The following SMYD3 variants were observed in gnomAD, a reference collection of about 807,000 sequenced individuals.
SMYD3 encodes the protein histone-lysine N-methyltransferase SMYD3.
Under a neutral mutation model 57.7 loss-of-function variants are expected in SMYD3, and 36 were observed. The observed-to-expected ratio is 0.62, with a 90% CI of 0.48 to 0.82. The LOEUF (loss-of-function observed/expected upper bound fraction) is 0.82. SMYD3 is among the 40% of genes least tolerant of loss of function. The pLI is 0.00. For synonymous variants in SMYD3, 211 were observed against 195.0 expected, an observed-to-expected ratio of 1.08 and a Z score of -0.68; for missense variants, 515 against 538.8, an observed-to-expected ratio of 0.96 and a Z score of 0.44.
chr1:246,476,422 G>C (rs779787469), intron 1 of SMYD3, among the ~76,000 whole-genome samples: 2 of 152,182 alleles, frequency 1.3e-5, no homozygotes, highest in Non-Finnish European at 2.9e-5. Flanking sequence ...TGTAGATTCT[G>C]AGTTAAGTTG....
intron 2 of SMYD3, among the ~76,000 whole-genome samples, chr1:246,339,802 A>G (rs2065603327): frequency 6.6e-6 from 1 of 152,230 alleles, no homozygotes. Flanking sequence ...GGTTTGCTAT[A>G]AAAGAGAGTC....
chr1:246,002,309 C>T (rs897198931), intron 5 of SMYD3, among the ~76,000 whole-genome samples: 17 of 92,634 alleles, frequency 1.8e-4, no homozygotes, highest in East Asian at 7.9e-4. Context: ...CTCAGCCTCC[C>T]GAGTAGCTGG....
At chr1:246,158,475 A>C (rs1197513928) in intron 5 of SMYD3, among the ~76,000 whole-genome samples, 1 of 152,212 alleles carries the variant, frequency 6.6e-6, no homozygotes, top group East Asian at 1.9e-4. Context: ...CTTTCAGATA[A>C]ATAAATAAAT....
At chr1:246,309,180 TG>T (rs1236443874) in intron 5 of SMYD3, among the ~76,000 whole-genome samples, 1 of 152,132 alleles carries the variant, frequency 6.6e-6, no homozygotes, top group East Asian at 1.9e-4. Flanking sequence ...AAAGCTTAAT[TG>T]TTAAAAAAAA....
chr1:245,879,484 C>T lies in SMYD3; in HGVS notation c.814-15598G>A, dbSNP rs992921860. ...CGAGGTGATGAGAAACGCTTCAGTG[C>T]TCTCTGAGCAACGAGAAAGCATGGA... On this transcript the variant is annotated intron_variant, in intron 8 of 11. Coordinates refer to ENST00000490107, the MANE Select transcript of SMYD3 (RefSeq NM_001167740.2). Among the ~76,000 whole-genome samples the T allele has an allele frequency of 4.6e-5, 7 of 152,330 alleles. No individual in the cohort carries two copies. In the South Asian group the frequency reaches 8.3e-4, roughly 18 times the overall value.
intron 1 of SMYD3, among the ~76,000 whole-genome samples, chr1:246,465,462 G>A (rs2067867606): frequency 6.6e-6 from 1 of 152,154 alleles, no homozygotes; most frequent in Non-Finnish European, 1.5e-5. Flanking sequence ...ATAACTCCTC[G>A]ATGATGCAGG....
chr1:245,951,321 T>TCACACCTGTCATCCCAG (rs11272917), intron 5 of SMYD3, among the ~76,000 whole-genome samples: 2 of 146,966 alleles, frequency 1.4e-5, no homozygotes, highest in African/African-American at 5.2e-5. Flanking sequence ...TCGTCGTGGC[T>TCACACCTGTCATCCCAG]CACTTTGGGA....
intron 11 of SMYD3, among the ~76,000 whole-genome samples, chr1:245,759,262 T>G (rs566673242): frequency 7.0e-6 from 1 of 143,440 alleles, no homozygotes; most frequent in Non-Finnish European, 1.5e-5. Flanking sequence ...TTGAAGGTAT[T>G]AGTGACAATT....
At chr1:245,807,821 A>AC (rs1352762242) in intron 10 of SMYD3, among the ~76,000 whole-genome samples, 6 of 151,942 alleles carry the variant, frequency 3.9e-5, no homozygotes, top group African/African-American at 1.2e-4. Context: ...GGGAAAAAAA[A>AC]AAAAAACAAA....
At chr1:245,891,897 T>C (rs1054148739) in intron 8 of SMYD3, among the ~76,000 whole-genome samples, 1 of 152,108 alleles carries the variant, frequency 6.6e-6, no homozygotes, top group African/African-American at 2.4e-5. Context: ...TTTTTAAAAA[T>C]TAGCAGGGCA....
At chr1:245,869,293 C>A (rs2052042819) in intron 8 of SMYD3, among the ~76,000 whole-genome samples, 1 of 152,300 alleles carries the variant, frequency 6.6e-6, no homozygotes, top group Non-Finnish European at 1.5e-5. Flanking sequence ...AGCTGACTTT[C>A]CTGGGAAATG....
chr1:246,209,720 G>C (rs2063058480), intron 5 of SMYD3, among the ~76,000 whole-genome samples: 1 of 152,152 alleles, frequency 6.6e-6, no homozygotes, highest in Admixed American at 6.5e-5. Context: ...GGGTACTTTT[G>C]TATACTTGCA....
intron 10 of SMYD3, among the ~76,000 whole-genome samples, chr1:245,840,776 A>G (rs1222142038): frequency 2.0e-5 from 3 of 151,972 alleles, no homozygotes; most frequent in Non-Finnish European, 4.4e-5. Flanking sequence ...AGTTGCAGCT[A>G]AGGAGCAGGT....
chr1:246,062,273 T>C lies in SMYD3; in HGVS notation c.532-132336A>G, dbSNP rs148968948. Among the ~76,000 whole-genome samples, 531 of 152,286 alleles carry C rather than the reference T, an allele frequency of 3.5e-3. 1 individual carries two copies. The highest frequency in any genetic ancestry group is 7.1e-3 in the Admixed American group (109 of 15,306). On this transcript the variant is annotated intron_variant, in intron 5 of 11. Transcript: ENST00000490107. ...CCGAGATCATAAAGAGGTTAGTCAC[T>C]GATTTGGGGATCTTTATAGTCTACC... is the stretch of plus-strand genomic sequence containing the variant.
chr1:245,817,283 GCACACTGA>G (rs2048893447), intron 10 of SMYD3, among the ~76,000 whole-genome samples: 1 of 136,796 alleles, frequency 7.3e-6, no homozygotes, highest in African/African-American at 3.2e-5. Context: ...CCCAGCAGGG[GCACACTGA>G]CACCTCACAT....
At chr1:246,102,955 C>T (rs923854108) in intron 5 of SMYD3, among the ~76,000 whole-genome samples, 97 of 152,236 alleles carry the variant, frequency 6.4e-4, no homozygotes, top group Non-Finnish European at 1.5e-5. Context: ...GCAAGATTTG[C>T]TAATTTTGCT....
chr1:246,434,347 G>C (rs2067339229), intron 1 of SMYD3, among the ~76,000 whole-genome samples: 1 of 152,160 alleles, frequency 6.6e-6, no homozygotes, highest in African/African-American at 2.4e-5. Flanking sequence ...AGAGTAAACA[G>C]ACAACATATA....
intron 1 of SMYD3, among the ~76,000 whole-genome samples, chr1:246,425,653 T>A (rs149478911): frequency 6.2e-4 from 94 of 152,336 alleles, no homozygotes; most frequent in Non-Finnish European, 1.1e-3. Flanking sequence ...CCCAATGGGA[T>A]TGAGCTTCAG....
At chr1:246,326,865 G>A in intron 5 of SMYD3, 1 of 339,302 alleles carries the variant, frequency 2.9e-6, no homozygotes, top group Non-Finnish European at 5.3e-6. Context: ...TGAATGCAAT[G>A]CAACGGCAAA....
Sources: allele counts gnomAD v4.1 joint callset (sites outside exome capture counted in the v4.1 genomes callset), GRCh38; gene constraint gnomAD v4.1.1; transcripts MANE v1.5; gene names NCBI Gene and HGNC (gene_info 2026-07-23, HGNC 2026-07-21).